PDE1C: variants seen among roughly 807,000 people sequenced by gnomAD.
PDE1C encodes the protein dual specificity calcium/calmodulin-dependent 3',5'-cyclic nucleotide phosphodiesterase 1C.
A neutral mutation model predicts 93.1 loss-of-function variants in PDE1C; 62 were observed. That is an observed-to-expected ratio of 0.67 (90% CI 0.54 to 0.82). PDE1C has a LOEUF of 0.82. Among genes scored for constraint, PDE1C ranks in the 40% least tolerant of loss-of-function variants. The pLI, the probability that PDE1C is intolerant of heterozygous loss-of-function variation, is 0.00. For synonymous variants in PDE1C, 325 were observed against 310.1 expected (o/e 1.05, Z -0.50); for missense variants, 742 against 884.6 (o/e 0.84, Z 2.04).
chr7:31,764,377 C>G (rs376179417), intron 17 of PDE1C, among the ~76,000 whole-genome samples: 187 of 152,078 alleles, frequency 1.2e-3, no homozygotes, highest in African/African-American at 4.2e-3. Flanking sequence ...AACTCCTGAC[C>G]GCGGTGATCC....
At chr7:31,946,665 TTACCAA>T (rs1340598432) in intron 2 of PDE1C, among the ~76,000 whole-genome samples, 1 of 152,196 alleles carries the variant, frequency 6.6e-6, no homozygotes, top group Admixed American at 6.5e-5. Context: ...CTTTGTTGGA[TTACCAA>T]TAAATAGCAT....
chr7:31,878,976 A>G lies in PDE1C; in HGVS notation c.425+20T>C. 6.2e-7 allele frequency: 1 copy of G among 1,603,310 alleles called. No homozygotes were observed. Among genetic ancestry groups the G allele is most frequent in the Non-Finnish European group, 8.5e-7 (1 of 1,171,224 alleles). On this transcript the variant is annotated intron_variant, in intron 4 of 17. Coordinates refer to ENST00000396191, the MANE Select transcript of PDE1C (RefSeq NM_001191057.4). ...CTTTGGCTGCTTTAGTCACTAAATG[A>G]CAATGAATGACATCTTTACCTCTCC...
chr7:31,993,712 T>C (rs1192790485), intron 2 of PDE1C, among the ~76,000 whole-genome samples: 1 of 151,934 alleles, frequency 6.6e-6, no homozygotes, highest in Admixed American at 6.6e-5. Context: ...TTAAATACAG[T>C]AAAAAATGAA....
chr7:32,110,691 C>G (rs1798592244), intron 3 of PDE1C, among the ~76,000 whole-genome samples: 1 of 152,142 alleles, frequency 6.6e-6, no homozygotes, highest in Admixed American at 6.6e-5. Flanking sequence ...GAAGTAACAA[C>G]TGAGCTTATT....
intron 2 of PDE1C, among the ~76,000 whole-genome samples, chr7:32,184,288 C>T (rs1803681148): frequency 1.3e-5 from 2 of 152,140 alleles, no homozygotes; most frequent in Admixed American, 1.3e-4. Flanking sequence ...CCCAGCCATC[C>T]CATTACTGGG....
At chr7:32,408,300 A>G (rs923908398) in intron 1 of PDE1C, among the ~76,000 whole-genome samples, 1 of 152,202 alleles carries the variant, frequency 6.6e-6, no homozygotes, top group Non-Finnish European at 1.5e-5. Flanking sequence ...GAATGATGGA[A>G]TCAGGACAGC....
chr7:32,215,336 G>A (rs778055532), intron 1 of PDE1C, among the ~76,000 whole-genome samples: 3 of 152,076 alleles, frequency 2.0e-5, no homozygotes, highest in Non-Finnish European at 2.9e-5. Context: ...CCCAACACCC[G>A]TTTTGTAGAA....
At chr7:31,804,293 A>C (rs946036299) in intron 16 of PDE1C, among the ~76,000 whole-genome samples, 1 of 151,870 alleles carries the variant, frequency 6.6e-6, no homozygotes, top group African/African-American at 2.4e-5. Context: ...TGAGTCTTTT[A>C]CCTAATTTTC....
the PDE1C span, among the ~76,000 whole-genome samples, chr7:31,674,402 T>A: frequency 4.6e-5 from 7 of 152,190 alleles, no homozygotes; most frequent in African/African-American, 1.7e-4. Context: ...CTTTTCTATA[T>A]GCTTGGAAAT....
chr7:31,824,771 C>A, intron 13 of PDE1C, 96 bp downstream of exon 13: 1 of 1,489,680 alleles, frequency 6.7e-7, no homozygotes, highest in Non-Finnish European at 9.2e-7. Flanking sequence ...AAGGCAAATG[C>A]CATTATGAAA....
chr7:32,387,685 C>A (rs866190157), intron 1 of PDE1C, among the ~76,000 whole-genome samples: 1 of 143,176 alleles, frequency 7.0e-6, no homozygotes, highest in Non-Finnish European at 1.5e-5. Context: ...GGGGCTGACC[C>A]CCCCCACCTC....
chr7:31,857,871 T>C (rs986723199), intron 7 of PDE1C, among the ~76,000 whole-genome samples: 15 of 152,202 alleles, frequency 9.9e-5, no homozygotes, highest in African/African-American at 3.6e-4. Flanking sequence ...TTCATAAATA[T>C]GTAAGTTTGC....
the PDE1C span, chr7:31,692,377 C>A: frequency 7.7e-7 from 1 of 1,301,116 alleles, no homozygotes; most frequent in Admixed American, 1.8e-5. Flanking sequence ...CAGAGCCATA[C>A]TTATTAACTG....
At chr7:31,678,707 T>G in the PDE1C span, among the ~76,000 whole-genome samples, 1 of 152,184 alleles carries the variant, frequency 6.6e-6, no homozygotes, top group South Asian at 2.1e-4. Flanking sequence ...GAGATTAAAT[T>G]TTCTGAGGTC....
intron 3 of PDE1C, among the ~76,000 whole-genome samples, chr7:32,138,317 T>C (rs1305316864): frequency 6.6e-6 from 1 of 152,050 alleles, no homozygotes; most frequent in African/African-American, 2.4e-5. Flanking sequence ...AACTTAGAGG[T>C]GTGTTATGAA....
At chr7:31,974,562 G>A (rs139396413) in intron 2 of PDE1C, among the ~76,000 whole-genome samples, 64 of 152,266 alleles carry the variant, frequency 4.2e-4, no homozygotes, top group African/African-American at 1.4e-3. Context: ...CCCTGAGACT[G>A]GAGGGAGCCA....
intron 3 of PDE1C, among the ~76,000 whole-genome samples, chr7:32,128,055 G>C (rs1388685694): frequency 6.6e-6 from 1 of 151,736 alleles, no homozygotes; most frequent in Non-Finnish European, 1.5e-5. Context: ...ATTGAAGAAA[G>C]GAAGAACAGA....
intron 1 of PDE1C, among the ~76,000 whole-genome samples, chr7:32,298,349 C>T (rs1427538788): frequency 6.6e-6 from 1 of 152,152 alleles, no homozygotes; most frequent in Non-Finnish European, 1.5e-5. Context: ...CCCCTCCTTT[C>T]CCCCGGCCTG....
At chr7:32,168,800 A>G (rs775698538) in intron 3 of PDE1C, among the ~76,000 whole-genome samples, 4 of 152,152 alleles carry the variant, frequency 2.6e-5, no homozygotes, top group Non-Finnish European at 5.9e-5. Flanking sequence ...AATCAACACT[A>G]AGAATCTTCA....
Sources: allele counts gnomAD v4.1 joint callset (sites outside exome capture counted in the v4.1 genomes callset), GRCh38; gene constraint gnomAD v4.1.1; transcripts MANE v1.5; gene names NCBI Gene and HGNC (gene_info 2026-07-23, HGNC 2026-07-21).